ATOSA: variants seen among roughly 807,000 people sequenced by gnomAD.
The protein encoded by ATOSA is atos homolog protein A.
At chr15:52,626,257 CAT>C in the ATOSA span, among the ~76,000 whole-genome samples, 4 of 152,256 alleles carry the variant, frequency 2.6e-5, no homozygotes, top group East Asian at 5.8e-4. Context: ...TTTTGTTCCA[CAT>C]GTCTCTCCTT....
At chr15:52,625,568 T>C in the ATOSA span, among the ~76,000 whole-genome samples, 1 of 152,224 alleles carries the variant, frequency 6.6e-6, no homozygotes, top group Non-Finnish European at 1.5e-5. Flanking sequence ...ACAGACTGAC[T>C]TTTAAAAGCA....
the ATOSA span, among the ~76,000 whole-genome samples, chr15:52,631,188 A>T: frequency 6.6e-6 from 1 of 152,202 alleles, no homozygotes; most frequent in Non-Finnish European, 1.5e-5. Context: ...CTCATGTATG[A>T]CAAAATAAAC....
the ATOSA span, among the ~76,000 whole-genome samples, chr15:52,646,506 G>C: frequency 6.6e-6 from 1 of 152,082 alleles, no homozygotes; most frequent in Non-Finnish European, 1.5e-5. Context: ...TTTGTGCTAG[G>C]TTTTCTATTT....
the ATOSA span, chr15:52,609,257 T>C: frequency 6.2e-7 from 1 of 1,613,710 alleles, no homozygotes; most frequent in Non-Finnish European, 8.5e-7. Context: ...CCATCACTGA[T>C]GTCTCCTAAC....
the ATOSA span, among the ~76,000 whole-genome samples, chr15:52,686,976 A>G: frequency 6.6e-6 from 1 of 152,254 alleles, no homozygotes; most frequent in Non-Finnish European, 1.5e-5. Flanking sequence ...TCTGTATAAT[A>G]TAAGTTTAAT....
At chr15:52,587,326 T>C in the ATOSA span, 1 of 947,296 alleles carries the variant, frequency 1.1e-6, no homozygotes, top group Non-Finnish European at 1.6e-6. Context: ...ATTCTATTTC[T>C]ATGGAAAAAC....
At chr15:52,678,448 C>T in the ATOSA span, 1 of 179,390 alleles carries the variant, frequency 5.6e-6, no homozygotes, top group African/African-American at 2.4e-5. Flanking sequence ...ACAAAAACGC[C>T]TCTGGAAACA....
the ATOSA span, among the ~76,000 whole-genome samples, chr15:52,687,291 C>T: frequency 3.9e-5 from 6 of 152,296 alleles, no homozygotes; most frequent in South Asian, 1.2e-3. Context: ...TGTAGTCCCA[C>T]CTACTCCGGA....
chr15:52,625,343 G>A, the ATOSA span, among the ~76,000 whole-genome samples: 3 of 152,084 alleles, frequency 2.0e-5, no homozygotes, highest in East Asian at 5.8e-4. Flanking sequence ...AGTGACCACG[G>A]CTATAAGTGA....
chr15:52,646,672 T>A, the ATOSA span, among the ~76,000 whole-genome samples: 1 of 152,212 alleles, frequency 6.6e-6, no homozygotes, highest in African/African-American at 2.4e-5. Flanking sequence ...TTTGCTTGCA[T>A]ACATATTCTG....
the ATOSA span, among the ~76,000 whole-genome samples, chr15:52,662,932 G>C: frequency 6.6e-6 from 1 of 152,134 alleles, no homozygotes. Flanking sequence ...GCTAACAGTA[G>C]ATGCATGTTG....
the ATOSA span, among the ~76,000 whole-genome samples, chr15:52,688,564 G>A: frequency 7.2e-5 from 11 of 152,276 alleles, no homozygotes; most frequent in East Asian, 1.9e-3. Context: ...CTGAGGGATG[G>A]GGGTTGGGGA....
the ATOSA span, among the ~76,000 whole-genome samples, chr15:52,610,967 G>C: frequency 1.3e-5 from 2 of 152,178 alleles, no homozygotes; most frequent in Non-Finnish European, 1.5e-5. Flanking sequence ...TTCATATTGA[G>C]TCAATCCAAA....
At chr15:52,669,819 G>C in the ATOSA span, among the ~76,000 whole-genome samples, 3 of 152,182 alleles carry the variant, frequency 2.0e-5, no homozygotes, top group Non-Finnish European at 4.4e-5. Flanking sequence ...CCATCTTGCA[G>C]CATCATGGAA....
At chr15:52,657,869 GAAA>G in the ATOSA span, 1 of 151,962 alleles carries the variant, frequency 6.6e-6, no homozygotes, top group African/African-American at 2.4e-5. Flanking sequence ...AAATAAAGTA[GAAA>G]AAAGAAAAAA....
At chr15:52,664,929 C>T in the ATOSA span, among the ~76,000 whole-genome samples, 2 of 138,660 alleles carry the variant, frequency 1.4e-5, no homozygotes, top group Non-Finnish European at 3.2e-5. Flanking sequence ...CAGAGGAAAC[C>T]CTATCTCTGG....
the ATOSA span, chr15:52,610,140 T>C: frequency 1.9e-6 from 3 of 1,613,948 alleles, no homozygotes; most frequent in East Asian, 4.5e-5. Flanking sequence ...TTGTACCACA[T>C]TGTTCTGCTT....
the ATOSA span, among the ~76,000 whole-genome samples, chr15:52,670,807 T>A: frequency 1.3e-5 from 2 of 152,202 alleles, no homozygotes; most frequent in Admixed American, 1.3e-4. Context: ...TAGCATCTCA[T>A]GGCTTACTAT....
the ATOSA span, among the ~76,000 whole-genome samples, chr15:52,706,029 G>A: frequency 3.3e-5 from 5 of 152,048 alleles, no homozygotes; most frequent in Admixed American, 3.3e-4. Flanking sequence ...ATATTAAACT[G>A]CTGTGAAACA....
Sources: gnomAD v4.1 joint callset for allele counts (sites outside exome capture counted in the v4.1 genomes callset) on GRCh38, gnomAD v4.1.1 for gene constraint, MANE v1.5 for transcripts, NCBI Gene and HGNC (gene_info 2026-07-23, HGNC 2026-07-21) for gene names.